The following CSMD1 variants were observed in gnomAD, a reference collection of about 807,000 sequenced individuals.
The protein encoded by CSMD1 is CUB and sushi domain-containing protein 1.
CSMD1 carries 213 observed loss-of-function variants against 417.5 expected under a neutral mutation model. The observed-to-expected ratio is 0.51, with a 90% CI of 0.46 to 0.57. CSMD1 has a LOEUF of 0.57. CSMD1 is among the 20% of genes least tolerant of loss of function. The probability of loss-of-function intolerance (pLI) is 0.00; values close to 1 mark genes in which losing one functional copy is unlikely to be tolerated. For missense variants in CSMD1, 6,923 were observed against 4,529.7 expected, an observed-to-expected ratio of 1.53 and a Z score of -15.17; for synonymous variants, 2,862 against 1,736.8, an observed-to-expected ratio of 1.65 and a Z score of -16.11.
chr8:3,292,903 T>C (rs999487679), intron 25 of CSMD1, among the ~76,000 whole-genome samples: 5 of 152,170 alleles, frequency 3.3e-5, no homozygotes, highest in Non-Finnish European at 5.9e-5. Flanking sequence ...CGTTAGTTGA[T>C]GCAGTTTCTT....
chr8:3,538,860 G>C (rs1346462629), intron 10 of CSMD1, among the ~76,000 whole-genome samples: 3 of 152,180 alleles, frequency 2.0e-5, no homozygotes, highest in Non-Finnish European at 4.4e-5. Context: ...GTCTTCCTAA[G>C]TGTTCCTAGT....
chr8:3,431,687 T>C (rs1036889653), intron 12 of CSMD1, among the ~76,000 whole-genome samples: 8 of 152,318 alleles, frequency 5.3e-5, no homozygotes, highest in Middle Eastern at 3.4e-3. Context: ...ATATGACCCA[T>C]AGTCTTGCTA....
intron 5 of CSMD1, among the ~76,000 whole-genome samples, chr8:3,844,813 C>T (rs1014595396): frequency 7.9e-5 from 12 of 152,140 alleles, no homozygotes; most frequent in African/African-American, 2.9e-4. Context: ...AGAATCAGAA[C>T]AGATTTTGTT....
At chr8:4,295,750 GTATATATA>G (rs756556655) in intron 3 of CSMD1, among the ~76,000 whole-genome samples, 5,196 of 34,188 alleles carry the variant, frequency 0.15, 434 homozygotes, top group African/African-American at 0.31. Flanking sequence ...ATGTGTGTGT[GTATATATA>G]TATATATATA....
chr8:4,739,245 G>C (rs1473883203), intron 1 of CSMD1, among the ~76,000 whole-genome samples: 1 of 152,138 alleles, frequency 6.6e-6, no homozygotes, highest in Non-Finnish European at 1.5e-5. Flanking sequence ...GCCAAGTTCA[G>C]CTCTGTAAAT....
intron 4 of CSMD1, among the ~76,000 whole-genome samples, chr8:4,005,329 C>T (rs886801890): frequency 2.0e-5 from 3 of 152,124 alleles, no homozygotes; most frequent in African/African-American, 4.8e-5. Flanking sequence ...TACAGACATT[C>T]ATTGTACTTG....
chr8:4,158,196 C>A (rs567133979), intron 3 of CSMD1, among the ~76,000 whole-genome samples: 1 of 151,972 alleles, frequency 6.6e-6, no homozygotes, highest in Non-Finnish European at 1.5e-5. Context: ...TTTCCTAAGC[C>A]CAGACATACT....
chr8:4,311,428 G>A (rs1378147183), intron 3 of CSMD1, among the ~76,000 whole-genome samples: 1 of 152,140 alleles, frequency 6.6e-6, no homozygotes, highest in Non-Finnish European at 1.5e-5. Context: ...TTTCACTTAT[G>A]AGTGGAATCT....
chr8:4,967,389 T>C (rs1007968283), intron 1 of CSMD1, among the ~76,000 whole-genome samples: 1 of 152,164 alleles, frequency 6.6e-6, no homozygotes, highest in African/African-American at 2.4e-5. Context: ...TAAAGCCATT[T>C]TGCCTATAAT....
chr8:4,904,760 T>C (rs1805124979), intron 1 of CSMD1, among the ~76,000 whole-genome samples: 1 of 152,144 alleles, frequency 6.6e-6, no homozygotes, highest in South Asian at 2.1e-4. Flanking sequence ...AAAACACCTT[T>C]AATATGTAAA....
intron 3 of CSMD1, among the ~76,000 whole-genome samples, chr8:4,314,344 C>G (rs1016798747): frequency 1.3e-5 from 2 of 152,202 alleles, no homozygotes; most frequent in African/African-American, 4.8e-5. Flanking sequence ...AGTGCCTCCA[C>G]CTGCCATAGA....
intron 5 of CSMD1, among the ~76,000 whole-genome samples, chr8:3,839,585 A>G (rs1335870568): frequency 2.3e-5 from 3 of 131,646 alleles, no homozygotes; most frequent in Admixed American, 9.2e-5. Flanking sequence ...TTTATTATAT[A>G]TATTAATATG....
At chr8:3,283,793 A>G (rs1434710147) in intron 26 of CSMD1, among the ~76,000 whole-genome samples, 2 of 152,218 alleles carry the variant, frequency 1.3e-5, no homozygotes, top group African/African-American at 2.4e-5. Context: ...ACTAAATTCT[A>G]TCTTTTCGTC....
At chr8:4,792,361 A>C (rs974861972) in intron 1 of CSMD1, among the ~76,000 whole-genome samples, 8 of 152,254 alleles carry the variant, frequency 5.3e-5, no homozygotes, top group African/African-American at 1.7e-4. Context: ...GCTTTAAAAA[A>C]TAAAACTCTA....
intron 10 of CSMD1, among the ~76,000 whole-genome samples, chr8:3,530,755 C>G (rs1271659410): frequency 6.6e-6 from 1 of 152,232 alleles, no homozygotes; most frequent in Non-Finnish European, 1.5e-5. Flanking sequence ...TCTCAAATTC[C>G]TGACCTCAGG....
intron 3 of CSMD1, among the ~76,000 whole-genome samples, chr8:4,037,720 A>T (rs1252095436): frequency 6.6e-6 from 1 of 152,290 alleles, no homozygotes; most frequent in Non-Finnish European, 1.5e-5. Flanking sequence ...AGGTCTCCAA[A>T]TATCTGTTCT....
intron 3 of CSMD1, among the ~76,000 whole-genome samples, chr8:4,349,527 C>T (rs1800966313): frequency 6.6e-6 from 1 of 152,076 alleles, no homozygotes; most frequent in Non-Finnish European, 1.5e-5. Flanking sequence ...TTTCAACAGC[C>T]TTTCTACTCT....
chr8:3,551,819 G>A (rs1238992675), intron 10 of CSMD1, among the ~76,000 whole-genome samples: 1 of 152,214 alleles, frequency 6.6e-6, no homozygotes, highest in South Asian at 2.1e-4. Context: ...TGCAGTACCT[G>A]CATCAGTCTA....
intron 3 of CSMD1, among the ~76,000 whole-genome samples, chr8:4,348,750 A>G (rs548847892): frequency 6.6e-6 from 1 of 152,278 alleles, no homozygotes; most frequent in East Asian, 1.9e-4. Context: ...CCGTGAGTTA[A>G]AATTGTAGAA....
Sources: allele counts gnomAD v4.1 joint callset (sites outside exome capture counted in the v4.1 genomes callset), GRCh38; gene constraint gnomAD v4.1.1; transcripts MANE v1.5; gene names NCBI Gene and HGNC (gene_info 2026-07-23, HGNC 2026-07-21).